TMEM216: variants seen among roughly 807,000 people sequenced by gnomAD.
TMEM216 encodes transmembrane protein 216, also known as cerebello-oculo-renal syndrome 2.
In TMEM216, 15 loss-of-function variants were observed where a neutral mutation model predicts 17.8. That is an observed-to-expected ratio of 0.84 (90% CI 0.56 to 1.30). The LOEUF (loss-of-function observed/expected upper bound fraction) is 1.30. TMEM216 is among the 50% of genes most tolerant of loss of function. TMEM216 has a pLI of 0.00. For missense variants in TMEM216, 160 were observed against 175.7 expected (o/e 0.91, Z 0.51); for synonymous variants, 58 against 73.5 (o/e 0.79, Z 1.08).
At chr11:61,394,735 C>T (rs1269370758) in intron 3 of TMEM216, among the ~76,000 whole-genome samples, 2 of 150,800 alleles carry the variant, frequency 1.3e-5, no homozygotes, top group Admixed American at 1.3e-4. Flanking sequence ...GGCACCATCT[C>T]GGCTCACTGC....
chr11:61,393,237 G>T lies in TMEM216; in HGVS notation c.41G>T (p.Arg14Leu). The change falls in exon 2 of 5, where the codon CGG (arginine) becomes CTG (leucine). Residue 14 changes from arginine to leucine, a missense_variant. Coordinates refer to ENST00000515837, the MANE Select transcript of TMEM216 (RefSeq NM_001173990.3). ...CTCTGTGCTCCTTTTTCAGGTAAAC[G>T]GTTGTCCTCCACCCCGCTGGAAATC... The part of the protein sequence containing the change: ...RGLKMAPRGK[R>L]LSSTPLEILF... 2 of 1,535,380 alleles carry T rather than the reference G, an allele frequency of 1.3e-6. No individual in the cohort carries two copies. Among genetic ancestry groups the T allele is most frequent in the Non-Finnish European group, 1.7e-6 (2 of 1,146,480 alleles).
At position 61,398,834 on chromosome 11, in the gene TMEM216, G is replaced by A. The variant is rs7607; in HGVS notation, c.*558G>A. 110,021 of 152,372 alleles carry A rather than the reference G, an allele frequency of 0.72. 43,466 individuals carry two copies. The highest frequency in any genetic ancestry group is 0.97 in the East Asian group (5,025 of 5,176). 9.4% of individuals were successfully genotyped at this position (152,372 alleles called of 1,614,324 possible). A position where few individuals can be genotyped will look rare whatever the true frequency, so the allele number is the denominator to read the frequency against. On this transcript the variant is annotated 3_prime_UTR_variant, in exon 5 of 5. Coordinates refer to ENST00000515837, the MANE Select transcript of TMEM216 (RefSeq NM_001173990.3). ...ACTAACTTTATTTTATAATAAATAT[G>A]TATTTTCTGTTGTGGGGGTTGCAGC...
chr11:61,393,887 T>C lies in TMEM216; in HGVS notation c.140T>C (p.Val47Ala), dbSNP rs762918371. Residue 47 changes from valine to alanine, a missense_variant, in exon 3 of 5, where the codon GTC becomes GCC. Coordinates refer to ENST00000515837, the MANE Select transcript of TMEM216 (RefSeq NM_001173990.3). ...ACTCTGGCTTTTGTATTGGCAGGTG[T>C]CCTGCTACCATATCCAACAGCTAAC... ...LELFIFLYKG[V>A]LLPYPTANLV... 1,148 of 1,612,898 alleles carry C rather than the reference T, an allele frequency of 7.1e-4. 2 individuals carry two copies. The highest frequency in any genetic ancestry group is 1.4e-3 in the Admixed American group (86 of 59,984).
At chr11:61,398,118 C>T (rs1858842056) in intron 4 of TMEM216, 143 bp downstream of exon 4, 3 of 1,388,866 alleles carry the variant, frequency 2.2e-6, no homozygotes, top group Admixed American at 1.8e-5. Flanking sequence ...ATTGCCTTTC[C>T]TGTTTAGGGT....
At position 61,398,480 on chromosome 11, in the gene TMEM216, C is replaced by G; in HGVS notation, c.*204C>G. On this transcript the variant is annotated 3_prime_UTR_variant, in exon 5 of 5. Coordinates refer to ENST00000515837, the MANE Select transcript of TMEM216 (RefSeq NM_001173990.3). ...AAACCAGGACCATCAGCCCAAGAGA[C>G]TCTTCTACACTCCAGTATAGGGAGG... 1 of 600,030 alleles carries G rather than the reference C, an allele frequency of 1.7e-6. No homozygotes were observed. Among genetic ancestry groups the G allele is most frequent in the Non-Finnish European group, 2.9e-6 (1 of 340,136 alleles). 37.2% of individuals were successfully genotyped at this position (600,030 alleles called of 1,614,324 possible).
rs1181367825 is a variant in TMEM216, at chr11:61,393,215, T to C, written c.35-16T>C. The C allele has an allele frequency of 1.3e-6, 2 of 1,531,520 alleles. No individual in the cohort carries two copies. The highest frequency in any genetic ancestry group is 2.4e-5 in the East Asian group (1 of 40,884). The allele number at this position is 1,531,520 out of a possible 1,614,324, so 94.9% of individuals were successfully genotyped here. A position where few individuals can be genotyped will look rare whatever the true frequency, so the allele number is the denominator to read the frequency against. ...TGCCTTCCGGCCCATCCCACTTCTCTGTGCTCCTTTTTCAGGTAAACGGTT... is the reference window on the plus strand; with the variant it reads ...TGCCTTCCGGCCCATCCCACTTCTCCGTGCTCCTTTTTCAGGTAAACGGTT... On this transcript the variant is annotated splice_polypyrimidine_tract_variant and intron_variant, in intron 1 of 4. Transcript: ENST00000515837.
chr11:61,393,165 C>G lies in TMEM216; in HGVS notation c.35-66C>G. On this transcript the variant is annotated intron_variant, in intron 1 of 4. Coordinates refer to ENST00000515837, the MANE Select transcript of TMEM216 (RefSeq NM_001173990.3). The stretch of plus-strand genomic sequence containing the variant: ...GTCTAGTTTCCCCAAAGTTAGACAC[C>G]AACCCATACGAGCAGAGAGGGAGCT... 4 of 1,266,486 alleles carry G rather than the reference C, an allele frequency of 3.2e-6. No individual in the cohort carries two copies. In the Admixed American group the frequency reaches 9.0e-5, roughly 28 times the overall value. 78.5% of individuals were successfully genotyped at this position (1,266,486 alleles called of 1,614,324 possible).
At position 61,397,926 on chromosome 11, in the gene TMEM216, T is replaced by C. The variant is rs35314485; in HGVS notation, c.382T>C (p.Cys128Arg). Reference protein sequence around the residue: ...AIMNGILLFFCGSELLLEVLT... With the variant: ...AIMNGILLFFRGSELLLEVLT... ...CATGAATGGCATCTTGCTCTTCTTC[T>C]GTGGCTCAGAGCTTTTACTTGAGGT... The change falls in exon 4 of 5, where the codon TGT becomes CGT. Residue 128 changes from cysteine (C) to arginine (R), a missense_variant. By Grantham distance (180) the Cys-to-Arg change is radical. Transcript: ENST00000515837. 39 of 1,613,908 alleles carry C rather than the reference T, an allele frequency of 2.4e-5. No homozygotes were observed. The highest frequency in any genetic ancestry group is 3.3e-5 in the Non-Finnish European group (39 of 1,179,906).
rs557579294 is a variant in TMEM216, at chr11:61,392,941, T to C, written c.34+276T>C. 12 of 915,522 alleles carry C rather than the reference T, an allele frequency of 1.3e-5. No individual in the cohort carries two copies. The African/African-American group carries it at 1.6e-4, about 12-fold the overall frequency. 56.7% of individuals were successfully genotyped at this position (915,522 alleles called of 1,614,324 possible). A position where few individuals can be genotyped will look rare whatever the true frequency, so the allele number is the denominator to read the frequency against. On this transcript the variant is annotated intron_variant, in intron 1 of 4. Transcript: ENST00000515837. ...CTGCGCCCCAACTTCCCCTCCCAAA[T>C]AGTGACAGAGTGAGATCTTTGAGAT...
chr11:61,393,208 A>C, intron 1 of TMEM216, 23 bp from the exon 2 acceptor site: 1 of 1,521,468 alleles, frequency 6.6e-7, no homozygotes, highest in Non-Finnish European at 8.8e-7. Flanking sequence ...GGCCCATCCC[A>C]CTTCTCTGTG....
At chr11:61,396,639 C>T (rs370169988) in intron 3 of TMEM216, among the ~76,000 whole-genome samples, 4 of 149,174 alleles carry the variant, frequency 2.7e-5, no homozygotes, top group East Asian at 2.0e-4. Flanking sequence ...CTAAAAAATA[C>T]GAAAATCAGC....
intron 3 of TMEM216, among the ~76,000 whole-genome samples, chr11:61,396,667 A>G (rs1858804940): frequency 6.8e-6 from 1 of 146,070 alleles, no homozygotes; most frequent in Non-Finnish European, 1.5e-5. Flanking sequence ...GGTGGCGGGC[A>G]CCTGTAATCC....
At chr11:61,396,295 A>G (rs1487755938) in intron 3 of TMEM216, among the ~76,000 whole-genome samples, 1 of 151,748 alleles carries the variant, frequency 6.6e-6, no homozygotes, top group Non-Finnish European at 1.5e-5. Flanking sequence ...CCTGGCCCAC[A>G]TGATGAAACC....
chr11:61,394,034 T>G, intron 3 of TMEM216, 58 bp downstream of exon 3: 1 of 1,496,270 alleles, frequency 6.7e-7, no homozygotes, highest in African/African-American at 1.4e-5. Context: ...TATCTGTAAC[T>G]TGATTAACAA....
intron 3 of TMEM216, among the ~76,000 whole-genome samples, chr11:61,397,567 A>G (rs946614211): frequency 1.3e-5 from 2 of 152,226 alleles, no homozygotes; most frequent in African/African-American, 4.8e-5. Flanking sequence ...CCAGACTGGA[A>G]GCAGGACCTC....
In TMEM216 at chr11:61,398,576, C is replaced by G. The variant is rs531206611; in HGVS notation, c.*300C>G. ...CTGACCTCAAGTTCTCCTCCTTGAT[C>G]ACCGTGGCCAGAGCATCTCGTGTGG... On this transcript the variant is annotated 3_prime_UTR_variant, in exon 5 of 5. Transcript: ENST00000515837. 9 of 442,720 alleles carry G rather than the reference C, an allele frequency of 2.0e-5. No individual in the cohort carries two copies. The East Asian group carries it at 3.5e-4, about 17-fold the overall frequency. 27.4% of individuals were successfully genotyped at this position (442,720 alleles called of 1,614,324 possible).
chr11:61,392,778 CG>C (rs1278024335), intron 1 of TMEM216, 113 bp downstream of exon 1: 9 of 1,528,078 alleles, frequency 5.9e-6, no homozygotes, highest in African/African-American at 1.4e-5. Context: ...AGGGACGTCG[CG>C]CCTCCCTGGT....
intron 3 of TMEM216, among the ~76,000 whole-genome samples, chr11:61,395,690 C>T (rs961297368): frequency 7.3e-5 from 11 of 150,484 alleles, no homozygotes; most frequent in East Asian, 2.0e-4. Flanking sequence ...GAGCCAAGAT[C>T]GCCCACTGCA....
At position 61,398,177 on chromosome 11, in the gene TMEM216, G is replaced by C. The variant is rs1858844070; in HGVS notation, c.432-93G>C. 2.0e-6 allele frequency: 3 copies of C among 1,523,718 alleles called. No homozygotes were observed. In the Admixed American group the frequency reaches 5.5e-5, roughly 28 times the overall value. 94.4% of individuals were successfully genotyped at this position (1,523,718 alleles called of 1,614,324 possible). ...GAAGATACTCTCCCTATCCTTTGGG[G>C]CCAGGAGGCTTGGAATATAGAACAG... On this transcript the variant is annotated intron_variant, in intron 4 of 4. Transcript: ENST00000515837.
Sources: allele counts gnomAD v4.1 joint callset (sites outside exome capture counted in the v4.1 genomes callset), GRCh38; gene constraint gnomAD v4.1.1; transcripts MANE v1.5; gene names NCBI Gene and HGNC (gene_info 2026-07-23, HGNC 2026-07-21).